Variants in NECAP1 observed in about 807,000 individuals in gnomAD.
NECAP1 encodes adaptin ear-binding coat-associated protein 1.
A neutral mutation model predicts 33.4 loss-of-function variants in NECAP1; 13 were observed. That is an observed-to-expected ratio of 0.39 (90% confidence interval 0.25 to 0.62). The LOEUF (loss-of-function observed/expected upper bound fraction) is 0.62, where lower values mean the gene tolerates loss of function less well. Ranked by LOEUF, NECAP1 falls within the 20% of genes least tolerant of loss-of-function variation. The pLI, the probability that NECAP1 is intolerant of heterozygous loss-of-function variation, is 0.52. For synonymous variants in NECAP1, 109 were observed against 125.2 expected (o/e 0.87, Z 0.86); for missense variants, 272 against 347.4 (o/e 0.78, Z 1.73).
Position 8,096,402 on chromosome 12 carries a change from AT to A in NECAP1, c.*313del. ...TGTTTGAGGGGGAATGACCTCTAAC[AT>A]CTGTAAAATTTGTCTCATCTTTTAA... is the stretch of plus-strand genomic sequence containing the variant. On this transcript the variant is annotated 3_prime_UTR_variant, in exon 8 of 8. Coordinates refer to ENST00000339754, the MANE Select transcript of NECAP1 (RefSeq NM_015509.4). The A allele has an allele frequency of 3.7e-6, 1 of 268,056 alleles. No homozygotes were observed. Among genetic ancestry groups the A allele is most frequent in the Non-Finnish European group, 7.0e-6 (1 of 142,526 alleles). 16.6% of individuals were successfully genotyped at this position (268,056 alleles called of 1,614,324 possible). A position where few individuals can be genotyped will look rare whatever the true frequency, so the allele number is the denominator to read the frequency against.
Position 8,092,697 on chromosome 12 carries a change from G to T in NECAP1, c.405G>T (p.Glu135Asp). The change falls in exon 5 of 8, where the codon GAG (glutamate) becomes GAT (aspartate). Residue 135 changes from glutamate (E) to aspartate (D), a missense_variant. Coordinates refer to ENST00000339754, the MANE Select transcript of NECAP1 (RefSeq NM_015509.4). The stretch of plus-strand genomic sequence containing the variant: ...AAAGGTGGGTAAAGCAGGAATCTGA[G>T]ATTTCCAAGGAATCTCAAGAAATGG... ...DHFKWVKQESEISKESQEMDA... is the reference protein window; with the variant it reads ...DHFKWVKQESDISKESQEMDA... The T allele has an allele frequency of 6.2e-7, 1 of 1,613,484 alleles. No homozygotes were observed. Among genetic ancestry groups the T allele is most frequent in the South Asian group, 1.1e-5 (1 of 90,960 alleles).
chr12:8,085,106 G>A (rs1040121837), intron 1 of NECAP1, among the ~76,000 whole-genome samples: 2 of 151,638 alleles, frequency 1.3e-5, no homozygotes, highest in South Asian at 2.1e-4. Flanking sequence ...CACAACCTCC[G>A]CCTCCCCGGT....
rs149193371 is a variant in NECAP1, at chr12:8,091,394, T to A, written c.302-375T>A. The A allele has an allele frequency of 6.3e-5, 16 of 253,418 alleles. 1 individual carries two copies. The Middle Eastern group carries it at 4.1e-3, about 65-fold the overall frequency. The allele number at this position is 253,418 out of a possible 1,614,324, so 15.7% of individuals were successfully genotyped here. A position where few individuals can be genotyped will look rare whatever the true frequency, so the allele number is the denominator to read the frequency against. On this transcript the variant is annotated intron_variant, in intron 3 of 7. Coordinates refer to ENST00000339754, the MANE Select transcript of NECAP1 (RefSeq NM_015509.4). The stretch of plus-strand genomic sequence containing the variant: ...AATGAAATAATTATACAACTCACTA[T>A]AATGTAGAATCAGCGGGAGCCTTGG...
At position 8,092,983 on chromosome 12, in the gene NECAP1, T is replaced by TC. The variant is rs772629891; in HGVS notation, c.606dup (p.Ser203LeufsTer17). On this transcript the variant is annotated frameshift_variant, in exon 6 of 8. Transcript: ENST00000339754. LOFTEE classifies it high-confidence loss of function. ...CAAAGTCACTATTCCCCCACCATCC[T>TC]CCTCAGTTGCCATCAGCAATCATGT... The TC allele has an allele frequency of 6.2e-7, 1 of 1,613,364 alleles. No homozygotes were observed. The highest frequency in any genetic ancestry group is 8.5e-7 in the Non-Finnish European group (1 of 1,179,706).
chr12:8,085,686 C>CTTCTTTT (rs1947481617), intron 1 of NECAP1, among the ~76,000 whole-genome samples: 6 of 104,832 alleles, frequency 5.7e-5, no homozygotes, highest in Admixed American at 2.2e-4. Context: ...ACTTAATCTT[C>CTTCTTTT]TTTTTTTTTT....
intron 1 of NECAP1, chr12:8,089,193 C>T (rs1188882053): frequency 3.9e-5 from 6 of 151,984 alleles, no homozygotes. Flanking sequence ...TGCATCTGTC[C>T]TAATAAGTAC....
chr12:8,090,868 T>A (rs930929688), intron 3 of NECAP1: 1 of 154,974 alleles, frequency 6.5e-6, no homozygotes, highest in East Asian at 1.9e-4. Flanking sequence ...GGTGGGACTA[T>A]CTTGAATCAT....
intron 1 of NECAP1, chr12:8,082,695 T>C: frequency 2.9e-6 from 1 of 343,222 alleles, no homozygotes; most frequent in Non-Finnish European, 5.6e-6. Flanking sequence ...TCGTGCTTGC[T>C]CCATTGCCAG....
chr12:8,090,993 C>T (rs750133229), intron 3 of NECAP1: 1 of 152,670 alleles, frequency 6.6e-6, no homozygotes, highest in Non-Finnish European at 1.5e-5. Context: ...TCTGTTGCAA[C>T]TACTCAGTTT....
chr12:8,092,038 A>G, intron 4 of NECAP1, 188 bp downstream of exon 4: 3 of 580,366 alleles, frequency 5.2e-6, no homozygotes, highest in East Asian at 3.0e-5. Flanking sequence ...TCCTTTCCTT[A>G]TAGCCTGCAA....
At chr12:8,089,732 C>G (rs1947524817) in intron 1 of NECAP1, 1 of 538,306 alleles carries the variant, frequency 1.9e-6, no homozygotes, top group African/African-American at 1.9e-5. Context: ...ACTCCAAAGT[C>G]CTCAAGTAGT....
intron 6 of NECAP1, chr12:8,093,694 G>A (rs961113431): frequency 9.2e-5 from 14 of 152,164 alleles, no homozygotes; most frequent in African/African-American, 3.4e-4. Context: ...CTGTACTCCA[G>A]TGTGGGTGAC....
chr12:8,095,465 G>T (rs1444542423), intron 6 of NECAP1, 136 bp from the exon 7 acceptor site: 12 of 502,758 alleles, frequency 2.4e-5, no homozygotes, highest in Admixed American at 2.9e-5. Flanking sequence ...AGCCAGGATG[G>T]TCTCGATCTC....
At chr12:8,088,081 CA>C (rs1210958752) in intron 1 of NECAP1, among the ~76,000 whole-genome samples, 5 of 152,164 alleles carry the variant, frequency 3.3e-5, no homozygotes, top group African/African-American at 1.2e-4. Flanking sequence ...AAACAAATCA[CA>C]AATACAATGT....
At chr12:8,095,527 C>T (rs1156830697) in intron 6 of NECAP1, 74 bp from the exon 7 acceptor site, 49 of 1,179,412 alleles carry the variant, frequency 4.2e-5, no homozygotes, top group African/African-American at 9.1e-5. Context: ...GGATTACAGG[C>T]GTGAGCCACC....
chr12:8,091,643 C>G, intron 3 of NECAP1, 126 bp from the exon 4 acceptor site: 2 of 749,008 alleles, frequency 2.7e-6, no homozygotes, highest in Admixed American at 2.3e-5. Flanking sequence ...AAGCTTTGCT[C>G]TCTCGTGTGC....
At chr12:8,090,845 C>G (rs774227688) in intron 3 of NECAP1, 1 of 154,626 alleles carries the variant, frequency 6.5e-6, no homozygotes, top group Admixed American at 6.3e-5. Flanking sequence ...GTTTATTGTT[C>G]GTGGTAGTTT....
chr12:8,083,110 A>G (rs1947456272), intron 1 of NECAP1: 1 of 152,292 alleles, frequency 6.6e-6, no homozygotes. Flanking sequence ...AAGTTGAGGC[A>G]GCATTTTTCT....
intron 1 of NECAP1, among the ~76,000 whole-genome samples, chr12:8,087,630 C>A (rs796164863): frequency 1.1e-4 from 16 of 151,658 alleles, no homozygotes; most frequent in African/African-American, 3.6e-4. Context: ...CTCAGGCAGT[C>A]CTCCTGCCTT....
Sources: gnomAD v4.1 joint callset for allele counts (sites outside exome capture counted in the v4.1 genomes callset) on GRCh38, gnomAD v4.1.1 for gene constraint, MANE v1.5 for transcripts, NCBI Gene and HGNC (gene_info 2026-07-23, HGNC 2026-07-21) for gene names.